The following LRRTM4 variants were observed in gnomAD, a reference collection of about 807,000 sequenced individuals.
The protein encoded by LRRTM4 is leucine-rich repeat transmembrane neuronal protein 4.
A neutral mutation model predicts 47.6 loss-of-function variants in LRRTM4; 25 were observed. The observed-to-expected ratio is 0.53, with a 90% CI of 0.38 to 0.73. The LOEUF is 0.73. LRRTM4 is among the 30% of genes least tolerant of loss of function. The pLI is 0.00. For missense variants in LRRTM4, 638 were observed against 713.4 expected, an observed-to-expected ratio of 0.89 and a Z score of 1.20; for synonymous variants, 311 against 269.5, an observed-to-expected ratio of 1.15 and a Z score of -1.51.
intron 3 of LRRTM4, among the ~76,000 whole-genome samples, chr2:76,849,246 G>A (rs1428874008): frequency 6.6e-6 from 1 of 152,046 alleles, no homozygotes; most frequent in Non-Finnish European, 1.5e-5. Context: ...ATCATCTGGA[G>A]GGTAATTTCT....
chr2:77,086,004 A>G (rs561940319), intron 3 of LRRTM4, among the ~76,000 whole-genome samples: 2 of 152,182 alleles, frequency 1.3e-5, no homozygotes, highest in Non-Finnish European at 2.9e-5. Context: ...TTTTTGAGAA[A>G]GGGAGAAAGT....
At chr2:77,190,601 A>C (rs547461363) in intron 3 of LRRTM4, among the ~76,000 whole-genome samples, 13 of 152,256 alleles carry the variant, frequency 8.5e-5, no homozygotes, top group Non-Finnish European at 1.5e-5. Flanking sequence ...CACCCAGCCA[A>C]CAGAGCATTT....
chr2:77,302,152 C>T (rs941866642), intron 3 of LRRTM4, among the ~76,000 whole-genome samples: 10 of 152,120 alleles, frequency 6.6e-5, no homozygotes, highest in African/African-American at 2.2e-4. Flanking sequence ...TGCAAACTCA[C>T]ATCAGGGCAG....
chr2:76,801,845 C>G (rs1258119562), intron 3 of LRRTM4, among the ~76,000 whole-genome samples: 1 of 152,008 alleles, frequency 6.6e-6, no homozygotes, highest in Non-Finnish European at 1.5e-5. Flanking sequence ...TGTGATATGC[C>G]ACATTAACAC....
At chr2:77,033,406 T>C (rs1160668908) in intron 3 of LRRTM4, among the ~76,000 whole-genome samples, 1 of 148,336 alleles carries the variant, frequency 6.7e-6, no homozygotes, top group Non-Finnish European at 1.5e-5. Flanking sequence ...AGCTCATAAA[T>C]ATGTAAGCAA....
At chr2:76,818,091 AAAAG>A (rs1220680583) in intron 3 of LRRTM4, among the ~76,000 whole-genome samples, 1 of 152,014 alleles carries the variant, frequency 6.6e-6, no homozygotes, top group African/African-American at 2.4e-5. Context: ...TTAGTGAAGA[AAAAG>A]AAAAACAAAA....
chr2:76,929,925 T>TTGTG (rs3055992), intron 3 of LRRTM4, among the ~76,000 whole-genome samples: 2,450 of 149,296 alleles, frequency 0.016, 71 homozygotes, highest in African/African-American at 0.055. Context: ...CAATTAGAGT[T>TTGTG]TGTGTGTGTG....
At chr2:77,172,892 T>C (rs1673094986) in intron 3 of LRRTM4, among the ~76,000 whole-genome samples, 1 of 152,198 alleles carries the variant, frequency 6.6e-6, no homozygotes, top group Non-Finnish European at 1.5e-5. Context: ...TTTATTTCCA[T>C]GTCATGCTAC....
At chr2:76,946,878 T>C (rs889572884) in intron 3 of LRRTM4, among the ~76,000 whole-genome samples, 9 of 151,400 alleles carry the variant, frequency 5.9e-5, no homozygotes, top group African/African-American at 2.2e-4. Context: ...TGCGCCATTA[T>C]TTGAAATATG....
At chr2:76,936,052 C>A (rs569616357) in intron 3 of LRRTM4, among the ~76,000 whole-genome samples, 17 of 152,206 alleles carry the variant, frequency 1.1e-4, no homozygotes, top group African/African-American at 3.6e-4. Flanking sequence ...GGATCTAGAA[C>A]TAGAAATACC....
intron 3 of LRRTM4, among the ~76,000 whole-genome samples, chr2:76,913,050 A>G (rs1208742459): frequency 2.0e-5 from 3 of 152,236 alleles, no homozygotes; most frequent in Non-Finnish European, 2.9e-5. Context: ...AGACAACACT[A>G]GTTATCATTG....
rs148220777 is a variant in LRRTM4 at position 77,400,136 on chromosome 2, A to G, written c.1551+118182T>C. On this transcript the variant is annotated intron_variant, in intron 3 of 3. Transcript: ENST00000409884. The stretch of plus-strand genomic sequence containing the variant: ...TGAGATCAACTTTTTTAGATTCCAC[A>G]TATTTATATGTCTTTCTGTGCCCAG... Among the ~76,000 whole-genome samples, 17 of 151,954 alleles carry G rather than the reference A, an allele frequency of 1.1e-4. No individual in the cohort carries two copies. The East Asian group carries it at 3.3e-3, about 30-fold the overall frequency.
At chr2:76,907,864 C>T (rs1466165776) in intron 3 of LRRTM4, among the ~76,000 whole-genome samples, 1 of 137,356 alleles carries the variant, frequency 7.3e-6, no homozygotes, top group Non-Finnish European at 1.5e-5. Flanking sequence ...GCTTACCAAC[C>T]GAAAAGAGTC....
At chr2:77,419,339 G>C (rs1674775197) in intron 3 of LRRTM4, among the ~76,000 whole-genome samples, 1 of 152,086 alleles carries the variant, frequency 6.6e-6, no homozygotes, top group African/African-American at 2.4e-5. Flanking sequence ...TTGTCCCTCG[G>C]TATCTATGGG....
chr2:77,186,174 C>G (rs927279462), intron 3 of LRRTM4, among the ~76,000 whole-genome samples: 1 of 152,156 alleles, frequency 6.6e-6, no homozygotes, highest in African/African-American at 2.4e-5. Context: ...GACTTCCCAC[C>G]TCGCTTCCTT....
At chr2:77,013,425 T>A (rs1677945769) in intron 3 of LRRTM4, among the ~76,000 whole-genome samples, 1 of 151,706 alleles carries the variant, frequency 6.6e-6, no homozygotes, top group South Asian at 2.1e-4. Context: ...TGAGGGAAAA[T>A]CGCCTTGTAA....
chr2:77,369,377 A>C (rs1672573353), intron 3 of LRRTM4, among the ~76,000 whole-genome samples: 1 of 151,646 alleles, frequency 6.6e-6, no homozygotes, highest in South Asian at 2.1e-4. Context: ...AGTTGTTACC[A>C]GTGTCTGGGT....
At chr2:77,212,444 A>G (rs1674318624) in intron 3 of LRRTM4, among the ~76,000 whole-genome samples, 1 of 148,160 alleles carries the variant, frequency 6.7e-6, no homozygotes, top group Admixed American at 6.8e-5. Flanking sequence ...ATTGTTCTGA[A>G]TTAGTGGAAT....
intron 3 of LRRTM4, among the ~76,000 whole-genome samples, chr2:77,253,933 A>G (rs529279509): frequency 6.6e-6 from 1 of 152,186 alleles, no homozygotes; most frequent in South Asian, 2.1e-4. Flanking sequence ...AGAAGAGTTG[A>G]AAAGATAGTT....
Sources: gnomAD v4.1 joint callset for allele counts (sites outside exome capture counted in the v4.1 genomes callset) on GRCh38, gnomAD v4.1.1 for gene constraint, MANE v1.5 for transcripts, NCBI Gene and HGNC (gene_info 2026-07-23, HGNC 2026-07-21) for gene names.